ADAMTS18: variants seen among roughly 807,000 people sequenced by gnomAD.
ADAMTS18 encodes the protein ADAM metallopeptidase with thrombospondin type 1 motif 18.
A neutral mutation model predicts 165.9 loss-of-function variants in ADAMTS18; 157 were observed. The ratio of observed to expected loss-of-function variants is 0.95; its 90% CI spans 0.83 to 1.08. ADAMTS18 has a LOEUF of 1.08. ADAMTS18 is among the 50% of genes least tolerant of loss of function. The pLI, the probability that ADAMTS18 is intolerant of heterozygous loss-of-function variation, is 0.00. For missense variants in ADAMTS18, 2,040 were observed against 1,534.0 expected (o/e 1.33, Z -5.51); for synonymous variants, 782 against 578.2 (o/e 1.35, Z -5.06).
At chr16:77,341,820 G>A in intron 10 of ADAMTS18, 21 bp from the exon 11 acceptor site, 1 of 1,570,850 alleles carries the variant, frequency 6.4e-7, no homozygotes, top group Non-Finnish European at 8.7e-7. Context: ...AAAAAAGGGG[G>A]GTGCTGTTAA....
chr16:77,352,151 T>C (rs538265547), intron 10 of ADAMTS18, among the ~76,000 whole-genome samples: 4 of 152,278 alleles, frequency 2.6e-5, no homozygotes, highest in Admixed American at 6.5e-5. Context: ...TAGTTATGCA[T>C]TGAAACTGTA....
intron 3 of ADAMTS18, among the ~76,000 whole-genome samples, chr16:77,392,704 C>T (rs528660086): frequency 3.5e-4 from 53 of 152,032 alleles, no homozygotes; most frequent in Non-Finnish European, 6.8e-4. Context: ...GGGTAGACGT[C>T]GTAAATATTG....
chr16:77,379,619 G>C (rs530365322), intron 3 of ADAMTS18, among the ~76,000 whole-genome samples: 15 of 152,290 alleles, frequency 9.8e-5, no homozygotes, highest in African/African-American at 3.6e-4. Flanking sequence ...CTCCTGAGTA[G>C]CTGGAACTAC....
intron 3 of ADAMTS18, among the ~76,000 whole-genome samples, chr16:77,421,333 C>G (rs1250081999): frequency 1.3e-5 from 2 of 152,200 alleles, no homozygotes; most frequent in Non-Finnish European, 2.9e-5. Flanking sequence ...TGGGAACGGG[C>G]TTTCATGGGA....
chr16:77,312,690 A>G (rs1309513068), intron 16 of ADAMTS18, among the ~76,000 whole-genome samples: 1 of 152,258 alleles, frequency 6.6e-6, no homozygotes, highest in Admixed American at 6.5e-5. Flanking sequence ...CAAATATGAA[A>G]AAATGCTCAT....
intron 10 of ADAMTS18, among the ~76,000 whole-genome samples, chr16:77,346,005 C>T (rs757066620): frequency 2.6e-5 from 4 of 152,224 alleles, no homozygotes; most frequent in Non-Finnish European, 5.9e-5. Flanking sequence ...GGTTTAGCCA[C>T]ACTGGCTCCC....
chr16:77,363,158 C>G (rs748902381), intron 6 of ADAMTS18, among the ~76,000 whole-genome samples: 54 of 152,154 alleles, frequency 3.5e-4, no homozygotes, highest in Admixed American at 2.5e-3. Flanking sequence ...GTTTAAACAT[C>G]AAAACACTAC....
chr16:77,353,148 A>G (rs1014575173), intron 10 of ADAMTS18, among the ~76,000 whole-genome samples: 1 of 152,132 alleles, frequency 6.6e-6, no homozygotes, highest in Non-Finnish European at 1.5e-5. Flanking sequence ...TAATACTGTC[A>G]GTAAAATGTC....
chr16:77,285,765 T>TTTGCTTCACGTTCTCCA (rs2055238347), intron 22 of ADAMTS18, among the ~76,000 whole-genome samples: 1 of 152,320 alleles, frequency 6.6e-6, no homozygotes, highest in East Asian at 1.9e-4. Flanking sequence ...GAATCATTTC[T>TTTGCTTCACGTTCTCCA]TTGCTTCACG....
chr16:77,291,137 T>A (rs917065245), intron 21 of ADAMTS18, 129 bp downstream of exon 21: 1 of 1,039,718 alleles, frequency 9.6e-7, no homozygotes, highest in African/African-American at 1.6e-5. Flanking sequence ...CCATTCTGCC[T>A]TCAGAACTTG....
At chr16:77,382,482 T>A (rs558750772) in intron 3 of ADAMTS18, among the ~76,000 whole-genome samples, 1 of 152,282 alleles carries the variant, frequency 6.6e-6, no homozygotes, top group African/African-American at 2.4e-5. Context: ...AGTGCTGGGA[T>A]TACAGGTGTG....
intron 3 of ADAMTS18, among the ~76,000 whole-genome samples, chr16:77,368,594 G>A (rs759957763): frequency 5.3e-5 from 8 of 151,886 alleles, no homozygotes; most frequent in Non-Finnish European, 8.8e-5. Context: ...ACACCACTAT[G>A]CTCAGAAATG....
intron 10 of ADAMTS18, among the ~76,000 whole-genome samples, chr16:77,346,947 C>T (rs1328558727): frequency 2.6e-5 from 4 of 152,170 alleles, no homozygotes; most frequent in Admixed American, 2.6e-4. Context: ...CAAAAAGTTC[C>T]CCTGTCCCCT....
Position 77,324,905 on chromosome 16 carries a change from T to C in ADAMTS18, c.2032+961A>G, listed in dbSNP as rs553041696. 2.3e-5 allele frequency among the ~76,000 whole-genome samples: 3 copies of C among 128,840 alleles called. No homozygotes were observed. In the South Asian group the frequency reaches 7.6e-4, roughly 33 times the overall value. The allele number at this position is 128,840 out of a possible 152,430, so 84.5% of individuals were successfully genotyped here. A position where few individuals can be genotyped will look rare whatever the true frequency, so the allele number is the denominator to read the frequency against. On this transcript the variant is annotated intron_variant, in intron 13 of 22. Transcript: ENST00000282849. ...GAATTGTCATGTCTGTCTCTATCTA[T>C]ACTTCCTGGCAAACAGTCATGACCC... is the stretch of plus-strand genomic sequence containing the variant.
Position 77,386,505 on chromosome 16 carries a change from C to T in ADAMTS18, c.496-18782G>A, listed in dbSNP as rs542563643. The stretch of plus-strand genomic sequence containing the variant: ...AGCCATAAATTCCATTTTGTGTGTA[C>T]AACTGCTGGGCAGCAGCTAGAGAGT... On this transcript the variant is annotated intron_variant, in intron 3 of 22. Coordinates refer to ENST00000282849, the MANE Select transcript of ADAMTS18 (RefSeq NM_199355.4). Among the ~76,000 whole-genome samples the T allele has an allele frequency of 2.0e-5, 3 of 152,282 alleles. No individual in the cohort carries two copies. In the East Asian group the frequency reaches 5.8e-4, roughly 29 times the overall value.
At chr16:77,431,225 C>A (rs917990462) in intron 3 of ADAMTS18, 70 bp downstream of exon 3, 1 of 1,539,592 alleles carries the variant, frequency 6.5e-7, no homozygotes, top group Middle Eastern at 1.7e-4. Context: ...ATTTATATTG[C>A]AGACATCTGT....
chr16:77,352,733 T>G (rs897453060), intron 10 of ADAMTS18, among the ~76,000 whole-genome samples: 2 of 152,078 alleles, frequency 1.3e-5, no homozygotes, highest in African/African-American at 4.8e-5. Context: ...TAAACCTCCA[T>G]AATTTCCATG....
chr16:77,375,207 A>T (rs1206534764), intron 3 of ADAMTS18, among the ~76,000 whole-genome samples: 1 of 152,160 alleles, frequency 6.6e-6, no homozygotes, highest in Non-Finnish European at 1.5e-5. Flanking sequence ...GTAAAGAAAA[A>T]GACGGGGTTT....
chr16:77,356,146 G>T, intron 8 of ADAMTS18, 69 bp from the exon 9 acceptor site: 1 of 1,599,294 alleles, frequency 6.3e-7, no homozygotes, highest in East Asian at 2.2e-5. Context: ...ATCTGAGGAA[G>T]AATAAAGATG....
Sources: gnomAD v4.1 joint callset for allele counts (sites outside exome capture counted in the v4.1 genomes callset) on GRCh38, gnomAD v4.1.1 for gene constraint, MANE v1.5 for transcripts, NCBI Gene and HGNC (gene_info 2026-07-23, HGNC 2026-07-21) for gene names.